The following PASK variants were observed in gnomAD, a reference collection of about 807,000 sequenced individuals.
PASK encodes the protein PAS domain-containing serine/threonine-protein kinase.
In PASK, 110 loss-of-function variants were observed where a neutral mutation model predicts 121.0. That is an observed-to-expected ratio of 0.91 (90% confidence interval 0.78 to 1.06). The LOEUF (loss-of-function observed/expected upper bound fraction) is 1.06, where lower values mean the gene tolerates loss of function less well. Among genes scored for constraint, PASK ranks in the 50% least tolerant of loss-of-function variants. PASK has a pLI of 0.00. For synonymous variants in PASK, 686 were observed against 717.8 expected (o/e 0.96, Z 0.71); for missense variants, 1,643 against 1,702.3 (o/e 0.97, Z 0.61).
At position 241,127,281 on chromosome 2, in the gene PASK, G is replaced by A. The variant is rs1216222654; in HGVS notation, c.1634C>T (p.Ser545Phe). The change falls in exon 10 of 18, where the codon TCC becomes TTC. Residue 545 changes from serine to phenylalanine, a missense_variant. Physicochemically the swap from Ser to Phe is radical, Grantham distance 155. This residue lies in a region of PASK where 1,176 missense variants were observed against 1,162.2 expected (regional missense o/e 1.01). Coordinates refer to ENST00000234040, the MANE Select transcript of PASK (RefSeq NM_015148.4). Reference sequence around the variant, plus strand: ...GACTGGAGCTTCAGAATCTTCGCAGGAAGCAAATGGCTTCACATCCACTGG... The same window carrying A: ...GACTGGAGCTTCAGAATCTTCGCAGAAAGCAAATGGCTTCACATCCACTGG... Reference protein sequence around the residue: ...SEPVDVKPFASCEDSEAPVPA... With the variant: ...SEPVDVKPFAFCEDSEAPVPA... The A allele has an allele frequency of 6.2e-7, 1 of 1,614,234 alleles. No homozygotes were observed. Among genetic ancestry groups the A allele is most frequent in the Non-Finnish European group, 8.5e-7 (1 of 1,180,044 alleles).
intron 8 of PASK, among the ~76,000 whole-genome samples, chr2:241,134,962 C>G (rs1440121269): frequency 2.0e-5 from 3 of 152,170 alleles, no homozygotes; most frequent in Admixed American, 6.5e-5. Flanking sequence ...CAGGGCGCAC[C>G]CCCACCCCAT....
At chr2:241,136,935 A>G in intron 7 of PASK, 69 bp downstream of exon 7, 1 of 1,469,172 alleles carries the variant, frequency 6.8e-7, no homozygotes, top group Non-Finnish European at 9.5e-7. Flanking sequence ...TGCCACACGC[A>G]AGCCCGCACT....
intron 1 of PASK, 65 bp from the exon 2 acceptor site, chr2:241,143,139 T>A: frequency 1.2e-6 from 1 of 861,160 alleles, no homozygotes; most frequent in Non-Finnish European, 1.9e-6. Flanking sequence ...TTTAACCAAC[T>A]AATTTATAAT....
At chr2:241,149,573 C>A, upstream of PASK, 1 of 1,389,254 alleles carries the variant, frequency 7.2e-7, no homozygotes, top group Non-Finnish European at 9.8e-7. Flanking sequence ...TAGCCAGAGT[C>A]TAGAAGCCCG....
Position 241,137,140 on chromosome 2 carries a change from C to A in PASK, c.1001G>T (p.Gly334Val). The A allele has an allele frequency of 6.2e-7, 1 of 1,613,804 alleles. No homozygotes were observed. Among genetic ancestry groups the A allele is most frequent in the Non-Finnish European group, 8.5e-7 (1 of 1,179,924 alleles). The stretch of plus-strand genomic sequence containing the variant: ...GAACACCCAGACAGATGCCCGGTAG[C>A]CGCTCACAGGGGCCGCCTCACCGGT... ...ATTGEAAPVS[G>V]YRASVWVFCT... The change falls in exon 7 of 18, where the codon GGC (glycine) becomes GTC (valine). Residue 334 changes from glycine (G) to valine (V), a missense_variant. Physicochemically the swap from Gly to Val is moderately radical, Grantham distance 109. This residue lies in a region of PASK where 1,176 missense variants were observed against 1,162.2 expected (regional missense o/e 1.01). Coordinates refer to ENST00000234040, the MANE Select transcript of PASK (RefSeq NM_015148.4).
upstream of PASK, chr2:241,149,800 T>A (rs905111971): frequency 6.5e-7 from 1 of 1,533,182 alleles, no homozygotes; most frequent in South Asian, 1.2e-5. Flanking sequence ...CTCCGCAGGG[T>A]AGACGAAGGC....
chr2:241,148,644 T>C (rs1332263446), intron 1 of PASK, among the ~76,000 whole-genome samples: 1 of 152,192 alleles, frequency 6.6e-6, no homozygotes, highest in African/African-American at 2.4e-5. Context: ...AAGGATTCAA[T>C]GCTTAGGAGT....
chr2:241,143,954 C>A (rs941381054), intron 1 of PASK, among the ~76,000 whole-genome samples: 5 of 152,226 alleles, frequency 3.3e-5, no homozygotes, highest in African/African-American at 1.2e-4. Context: ...GGTGGAAATA[C>A]AGGAAAATCT....
At chr2:241,125,609 G>GAAAAAAAAAAAAAAA (rs11353969) in intron 10 of PASK, among the ~76,000 whole-genome samples, 2 of 118,398 alleles carry the variant, frequency 1.7e-5, no homozygotes, top group South Asian at 2.8e-4. Flanking sequence ...CAAAAAAAAA[G>GAAAAAAAAAAAAAAA]AAAAAAAAAA....
intron 1 of PASK, among the ~76,000 whole-genome samples, chr2:241,149,143 C>G (rs2067142384): frequency 6.6e-6 from 1 of 150,428 alleles, no homozygotes; most frequent in Non-Finnish European, 1.5e-5. Context: ...GCCCACCGGG[C>G]AGGCTACACT....
intron 9 of PASK, among the ~76,000 whole-genome samples, chr2:241,131,043 T>G (rs541868026): frequency 2.0e-5 from 3 of 151,538 alleles, no homozygotes; most frequent in Admixed American, 2.0e-4. Flanking sequence ...TGCGGTCCCC[T>G]GGGGGAAAGA....
rs755970798 is a variant in PASK at position 241,127,104 on chromosome 2, C to T, written c.1811G>A (p.Gly604Asp). ...GCAAGGGCAGTGCATCAGGAGGCTG[C>T]CCCCCGCCAGCTGACCCTTGGCCTG... ...KPQAKGQLAG[G>D]SLLMHCPCYG... Residue 604 changes from glycine to aspartate, a missense_variant, in exon 10 of 18, where the codon GGC becomes GAC. By Grantham distance (94) the Gly-to-Asp change is moderately conservative. Coordinates refer to ENST00000234040, the MANE Select transcript of PASK (RefSeq NM_015148.4). 2 of 1,613,858 alleles carry T rather than the reference C, an allele frequency of 1.2e-6. No homozygotes were observed. The highest frequency in any genetic ancestry group is 1.1e-5 in the South Asian group (1 of 91,078).
Position 241,140,703 on chromosome 2 carries a change from A to G in PASK, c.247T>C (p.Cys83Arg), listed in dbSNP as rs1367813833. The G allele has an allele frequency of 3.1e-6, 5 of 1,614,022 alleles. No homozygotes were observed. Among genetic ancestry groups the G allele is most frequent in the Non-Finnish European group, 4.2e-6 (5 of 1,179,992 alleles). The change falls in exon 3 of 18, where the codon TGT becomes CGT. Residue 83 changes from cysteine (C) to arginine (R), a missense_variant. By Grantham distance (180) the Cys-to-Arg change is radical (BLOSUM62 -3). Around this residue, in one of 3 missense-constraint regions of PASK, gnomAD observed 1,176 missense variants for 1,162.2 expected, o/e 1.01. Transcript: ENST00000234040. ...CLSSLAAQNI[C>R]TSKLHCPAAP... ...GCAGGGCAGTGCAGTTTACTTGTAC[A>G]AATATTCTGGGCAGCCAGTGATGAT...
At chr2:241,133,946 C>T (rs1211766420) in intron 8 of PASK, 2 of 149,192 alleles carry the variant, frequency 1.3e-5, no homozygotes, top group Admixed American at 6.7e-5. Context: ...GGTGCCACTG[C>T]ACTCCAGCCT....
At chr2:241,146,533 T>A (rs963117468) in intron 1 of PASK, among the ~76,000 whole-genome samples, 2 of 152,194 alleles carry the variant, frequency 1.3e-5, no homozygotes, top group Non-Finnish European at 2.9e-5. Flanking sequence ...AGATTTTAAA[T>A]TCTGGTATAT....
At position 241,142,935 on chromosome 2, in the gene PASK, G is replaced by A; in HGVS notation, c.98C>T (p.Thr33Ile). The A allele has an allele frequency of 2.5e-6, 4 of 1,613,468 alleles. No homozygotes were observed. Among genetic ancestry groups the A allele is most frequent in the Non-Finnish European group, 3.4e-6 (4 of 1,179,388 alleles). Residue 33 changes from threonine (T) to isoleucine (I), a missense_variant, in exon 2 of 18, where the codon ACC becomes ATC. Thr to Ile is a moderately conservative substitution (Grantham distance 89). Transcript: ENST00000234040. ...AAACGACCTGCTGGGCTCAGCAGTGGTCTGTGCAGCTGGGCCCTCTGCTGA... is the reference window on the plus strand; with the variant it reads ...AAACGACCTGCTGGGCTCAGCAGTGATCTGTGCAGCTGGGCCCTCTGCTGA... Reference protein sequence around the residue: ...PVSAEGPAAQTTAEPSRSFSS... With the variant: ...PVSAEGPAAQITAEPSRSFSS...
intron 17 of PASK, 96 bp downstream of exon 17, chr2:241,107,257 G>T: frequency 9.4e-7 from 1 of 1,061,398 alleles, no homozygotes; most frequent in Non-Finnish European, 1.5e-6. Flanking sequence ...GGGGGAGAGA[G>T]CCTCCTTTTC....
rs2064958762 is a variant in PASK at position 241,108,039 on chromosome 2, A to G, written c.3667+128T>C. 1.1e-6 allele frequency: 1 copy of G among 919,870 alleles called. No homozygotes were observed. Among genetic ancestry groups the G allele is most frequent in the Non-Finnish European group, 1.8e-6 (1 of 558,172 alleles). 57.0% of individuals were successfully genotyped at this position (919,870 alleles called of 1,614,324 possible). ...AAAGTCATATGCAAATTATTTGATG[A>G]ATAGAAAAGAAACAAATGAGACTGT... On this transcript the variant is annotated intron_variant, in intron 16 of 17. Coordinates refer to ENST00000234040, the MANE Select transcript of PASK (RefSeq NM_015148.4). The surrounding 1 kb of genome is among the most constrained non-coding windows in gnomAD (Gnocchi z 5.2).
At position 241,106,291 on chromosome 2, in the gene PASK, G is replaced by A. The variant is rs368917444; in HGVS notation, c.*275C>T. 3,034 of 494,468 alleles carry A rather than the reference G, an allele frequency of 6.1e-3. 91 individuals carry two copies. The highest frequency in any genetic ancestry group is 0.055 in the South Asian group (2,435 of 44,676). 30.6% of individuals were successfully genotyped at this position (494,468 alleles called of 1,614,324 possible). A position where few individuals can be genotyped will look rare whatever the true frequency, so the allele number is the denominator to read the frequency against. ...GAAAGAGAAAACACTCATGCCTTCA[G>A]AAGTTCACAAATTAAAAGCCCTTTA... On this transcript the variant is annotated 3_prime_UTR_variant, in exon 18 of 18. Transcript: ENST00000234040.
Sources: allele counts gnomAD v4.1 joint callset (sites outside exome capture counted in the v4.1 genomes callset), GRCh38; gene constraint gnomAD v4.1.1; regional missense constraint gnomAD v4.1.1; non-coding constraint Gnocchi (gnomAD v3.1); transcripts MANE v1.5; gene names NCBI Gene and HGNC (gene_info 2026-07-23, HGNC 2026-07-21).